The following MBP variants were observed in gnomAD, a reference collection of about 807,000 sequenced individuals.
The protein encoded by MBP is myelin basic protein.
In MBP, 16 loss-of-function variants were observed where a neutral mutation model predicts 35.8. That is an observed-to-expected ratio of 0.45 (90% confidence interval 0.30 to 0.68). MBP has a LOEUF of 0.68. Among genes scored for constraint, MBP ranks in the 30% least tolerant of loss-of-function variants. The probability of loss-of-function intolerance (pLI) is 0.08; values close to 1 mark genes in which losing one functional copy is unlikely to be tolerated. For missense variants in MBP, 380 were observed against 404.7 expected (o/e 0.94, Z 0.52); for synonymous variants, 143 against 159.6 (o/e 0.90, Z 0.78).
chr18:77,081,234 A>T (rs1257390247), intron 2 of MBP, among the ~76,000 whole-genome samples: 1 of 152,210 alleles, frequency 6.6e-6, no homozygotes, highest in African/African-American at 2.4e-5. Flanking sequence ...ATTAACATGG[A>T]GAACCTTTGA....
chr18:76,998,691 A>G (rs748042282), intron 4 of MBP, among the ~76,000 whole-genome samples: 1 of 152,148 alleles, frequency 6.6e-6, no homozygotes, highest in Non-Finnish European at 1.5e-5. Context: ...TACATTTATG[A>G]GATGAGACGT....
chr18:77,088,365 T>C lies in MBP; in HGVS notation c.51+16846A>G, dbSNP rs573065665. Among the ~76,000 whole-genome samples the C allele has an allele frequency of 4.6e-5, 7 of 152,256 alleles. No individual in the cohort carries two copies. In the South Asian group the frequency reaches 1.4e-3, roughly 32 times the overall value. ...ATCCATGAAGGAGGGGCCTGTGGAC[T>C]TAACTGCACCCCAAAGACCCACCTC... is the stretch of plus-strand genomic sequence containing the variant. On this transcript the variant is annotated intron_variant, in intron 2 of 8. Transcript: ENST00000355994.
chr18:77,060,796 T>A (rs1400041742), intron 3 of MBP, among the ~76,000 whole-genome samples: 2 of 152,176 alleles, frequency 1.3e-5, no homozygotes, highest in African/African-American at 2.4e-5. Context: ...TGAGGGTCAA[T>A]AGGAAACCCT....
intron 1 of MBP, chr18:77,127,520 T>A (rs1201100860): frequency 6.6e-6 from 1 of 151,660 alleles, no homozygotes; most frequent in Non-Finnish European, 1.5e-5. Context: ...AAAATCAAAA[T>A]CCAAAAAAGG....
chr18:77,053,949 T>C (rs762965365), intron 3 of MBP, among the ~76,000 whole-genome samples: 3 of 152,232 alleles, frequency 2.0e-5, no homozygotes, highest in Non-Finnish European at 4.4e-5. Flanking sequence ...CAGAGGTGAC[T>C]GTACTGCCCC....
chr18:77,052,767 C>G (rs1335218112), intron 3 of MBP, among the ~76,000 whole-genome samples: 1 of 152,156 alleles, frequency 6.6e-6, no homozygotes, highest in African/African-American at 2.4e-5. Flanking sequence ...ATTTGTGACT[C>G]CTGATGGGAA....
rs188574963 is a variant in MBP, at chr18:76,995,347, C to G, written c.577-5287G>C. ...AGCTAGAGACAGGTGGATTCTAAAA[C>G]TGTATGGAAATCCGAGGGAGCAAAA... On this transcript the variant is annotated intron_variant, in intron 4 of 8. Coordinates refer to ENST00000355994, the MANE Select transcript of MBP (RefSeq NM_001025101.2). 2.0e-5 allele frequency among the ~76,000 whole-genome samples: 3 copies of G among 152,184 alleles called. No individual in the cohort carries two copies. In the South Asian group the frequency reaches 6.2e-4, roughly 31 times the overall value.
At position 77,086,320 on chromosome 18, in the gene MBP, T is replaced by C. The variant is rs576060798; in HGVS notation, c.51+18891A>G. Among the ~76,000 whole-genome samples, 6 of 152,338 alleles carry C rather than the reference T, an allele frequency of 3.9e-5. No homozygotes were observed. In the South Asian group the frequency reaches 1.2e-3, roughly 32 times the overall value. ...AACTGCATGTGTTCCAAAGAGTTCA[T>C]GCATACAAGTGCGAATAGATGCCAA... On this transcript the variant is annotated intron_variant, in intron 2 of 8. Coordinates refer to ENST00000355994, the MANE Select transcript of MBP (RefSeq NM_001025101.2).
At chr18:77,089,305 G>T (rs1975406654) in intron 2 of MBP, among the ~76,000 whole-genome samples, 1 of 152,234 alleles carries the variant, frequency 6.6e-6, no homozygotes, top group African/African-American at 2.4e-5. Context: ...CAAGTGTGCG[G>T]CCATTTCCAT....
chr18:77,058,230 C>T (rs576102430), intron 3 of MBP, among the ~76,000 whole-genome samples: 80 of 152,224 alleles, frequency 5.3e-4, no homozygotes, highest in African/African-American at 1.9e-3. Flanking sequence ...ACCTCAGGGG[C>T]GGTGGGGATG....
chr18:76,979,670 C>A lies in MBP; in HGVS notation c.*757G>T. The A allele has an allele frequency of 4.3e-6, 2 of 462,830 alleles. No homozygotes were observed. Among genetic ancestry groups the A allele is most frequent in the South Asian group, 5.0e-5 (2 of 39,780 alleles). The allele number at this position is 462,830 out of a possible 1,614,324, so 28.7% of individuals were successfully genotyped here. On this transcript the variant is annotated 3_prime_UTR_variant, in exon 9 of 9. Coordinates refer to ENST00000355994, the MANE Select transcript of MBP (RefSeq NM_001025101.2). ...CGTCCAGAGGCCACCTGCTTGACAT[C>A]TCCATCACCAAATCTCCAGGAAGAC...
chr18:77,058,551 A>G (rs919101568), intron 3 of MBP, among the ~76,000 whole-genome samples: 12 of 151,960 alleles, frequency 7.9e-5, no homozygotes, highest in Non-Finnish European at 1.8e-4. Flanking sequence ...TTCCAGCACC[A>G]CCCCCGCCCC....
rs559308687 is a variant in MBP at position 77,064,105 on chromosome 18, C to T, written c.139+2193G>A. On this transcript the variant is annotated intron_variant, in intron 3 of 8. Transcript: ENST00000355994. ...CTAAATTTGGACATTTGTCTTCGTG[C>T]TTTTCTATTACGTCTTTATATATGT... 3.7e-4 allele frequency among the ~76,000 whole-genome samples: 56 copies of T among 152,256 alleles called. No homozygotes were observed. The South Asian group carries it at 0.011, about 29-fold the overall frequency.
intron 1 of MBP, among the ~76,000 whole-genome samples, chr18:77,128,340 A>G (rs1379621589): frequency 1.3e-5 from 2 of 152,228 alleles, no homozygotes; most frequent in Admixed American, 6.5e-5. Flanking sequence ...CGACAAAATT[A>G]TAGAAAATAG....
intron 4 of MBP, among the ~76,000 whole-genome samples, chr18:76,995,286 T>C (rs977539892): frequency 6.6e-6 from 1 of 152,232 alleles, no homozygotes; most frequent in African/African-American, 2.4e-5. Flanking sequence ...ACAGGTTTAA[T>C]GAAATTCCAA....
chr18:77,054,563 G>GT (rs946697025), intron 3 of MBP, among the ~76,000 whole-genome samples: 1 of 152,212 alleles, frequency 6.6e-6, no homozygotes, highest in Admixed American at 6.5e-5. Context: ...AATCACCCAG[G>GT]TGGGCAGAGG....
intron 1 of MBP, among the ~76,000 whole-genome samples, chr18:77,120,187 G>C (rs1004007524): frequency 6.6e-6 from 1 of 152,256 alleles, no homozygotes; most frequent in African/African-American, 2.4e-5. Flanking sequence ...TCCATTACGG[G>C]TCTCAAAGTC....
chr18:77,126,902 TAGAG>T (rs1977068815), intron 1 of MBP, among the ~76,000 whole-genome samples: 1 of 152,214 alleles, frequency 6.6e-6, no homozygotes, highest in Non-Finnish European at 1.5e-5. Context: ...TAATTACCCA[TAGAG>T]AGACAACCTG....
chr18:77,088,829 T>TGAA (rs1425856829), intron 2 of MBP, among the ~76,000 whole-genome samples: 1 of 152,218 alleles, frequency 6.6e-6, no homozygotes, highest in Non-Finnish European at 1.5e-5. Context: ...CCTAGCGCCT[T>TGAA]GAAGATGTCC....
Sources: gnomAD v4.1 joint callset for allele counts (sites outside exome capture counted in the v4.1 genomes callset) on GRCh38, gnomAD v4.1.1 for gene constraint, MANE v1.5 for transcripts, NCBI Gene and HGNC (gene_info 2026-07-23, HGNC 2026-07-21) for gene names.